The following DOCK1 variants were observed in gnomAD, a reference collection of about 807,000 sequenced individuals.
The protein encoded by DOCK1 is dedicator of cytokinesis protein 1.
A neutral mutation model predicts 262.7 loss-of-function variants in DOCK1; 138 were observed. The ratio of observed to expected loss-of-function variants is 0.53; its 90% confidence interval spans 0.46 to 0.61. DOCK1 has a LOEUF of 0.61. Among genes scored for constraint, DOCK1 ranks in the 20% least tolerant of loss-of-function variants. DOCK1 has a pLI of 0.00. For synonymous variants in DOCK1, 866 were observed against 867.4 expected, an observed-to-expected ratio of 1.00 and a Z score of 0.03; for missense variants, 1,908 against 2,370.7, an observed-to-expected ratio of 0.80 and a Z score of 4.05.
chr10:127,256,951 C>T (rs577513656), intron 28 of DOCK1, among the ~76,000 whole-genome samples: 3 of 152,284 alleles, frequency 2.0e-5, no homozygotes, highest in South Asian at 4.1e-4. Flanking sequence ...GTGTCCTGTT[C>T]ATCATGAAAA....
Position 127,451,478 on chromosome 10 carries a change from C to A in DOCK1, c.*51C>A, listed in dbSNP as rs374314712. ...GTGCTGCCCCTCCCCATCTCCATGC[C>A]CTCTCCTTCTGTGTCCCCTGAGTCT... On this transcript the variant is annotated 3_prime_UTR_variant, in exon 52 of 52. Transcript: ENST00000623213. 1.2e-5 allele frequency: 19 copies of A among 1,549,812 alleles called. No individual in the cohort carries two copies. The highest frequency in any genetic ancestry group is 1.7e-5 in the Non-Finnish European group (19 of 1,147,224).
At chr10:127,027,130 A>G (rs1203435289) in intron 16 of DOCK1, among the ~76,000 whole-genome samples, 2 of 152,234 alleles carry the variant, frequency 1.3e-5, no homozygotes, top group Non-Finnish European at 2.9e-5. Context: ...AGAGTTGGCT[A>G]CAGGCTTGTG....
chr10:126,906,254 G>T (rs1248398262), intron 1 of DOCK1, among the ~76,000 whole-genome samples: 2 of 152,198 alleles, frequency 1.3e-5, no homozygotes, highest in Non-Finnish European at 2.9e-5. Context: ...GAGGGGGGAT[G>T]GAAGGAGTCG....
chr10:127,010,685 A>C (rs2041363102), intron 11 of DOCK1, among the ~76,000 whole-genome samples: 1 of 152,206 alleles, frequency 6.6e-6, no homozygotes, highest in Non-Finnish European at 1.5e-5. Flanking sequence ...GTGCTGCAGA[A>C]TCTGGAAGTT....
chr10:127,170,885 C>A (rs943710960), intron 27 of DOCK1, among the ~76,000 whole-genome samples: 1 of 152,176 alleles, frequency 6.6e-6, no homozygotes, highest in East Asian at 1.9e-4. Context: ...CATGCAAGCC[C>A]GCACTGCATA....
chr10:127,345,833 G>T (rs2063609023), intron 31 of DOCK1, among the ~76,000 whole-genome samples: 2 of 152,198 alleles, frequency 1.3e-5, no homozygotes, highest in Non-Finnish European at 1.5e-5. Flanking sequence ...CTCCCTCAGG[G>T]CCCAGGGGAA....
chr10:127,231,735 G>A (rs970482357), intron 27 of DOCK1, among the ~76,000 whole-genome samples: 55 of 152,106 alleles, frequency 3.6e-4, no homozygotes, highest in African/African-American at 1.3e-3. Context: ...GCTTTTGTTG[G>A]AATAAATGTT....
chr10:127,097,342 AG>A (rs1488771433), intron 23 of DOCK1, among the ~76,000 whole-genome samples: 4 of 152,208 alleles, frequency 2.6e-5, no homozygotes, highest in Non-Finnish European at 5.9e-5. Context: ...AAATCTTAAG[AG>A]GGACACTCAG....
At chr10:127,304,390 G>A (rs757908785) in intron 29 of DOCK1, among the ~76,000 whole-genome samples, 3 of 152,048 alleles carry the variant, frequency 2.0e-5, no homozygotes, top group Non-Finnish European at 2.9e-5. Context: ...ATATATATTT[G>A]TATTTTCACT....
intron 34 of DOCK1, 28 bp from the exon 35 acceptor site, chr10:127,374,030 T>G (rs919478360): frequency 5.1e-6 from 8 of 1,583,594 alleles, no homozygotes; most frequent in Non-Finnish European, 5.1e-6. Context: ...TGAGTGTGAT[T>G]AACAAGGTGT....
At chr10:127,121,841 G>A (rs996708672) in intron 25 of DOCK1, among the ~76,000 whole-genome samples, 1 of 152,084 alleles carries the variant, frequency 6.6e-6, no homozygotes, top group Non-Finnish European at 1.5e-5. Context: ...GGTTGAGAGT[G>A]GCAGACCTGC....
chr10:127,063,092 T>C (rs11018404), intron 23 of DOCK1, among the ~76,000 whole-genome samples: 5,982 of 152,332 alleles, frequency 0.039, 337 homozygotes, highest in East Asian at 0.13. Flanking sequence ...CAGAAGGAGC[T>C]GTACAACTTG....
At chr10:127,370,416 C>T (rs183159040) in intron 33 of DOCK1, among the ~76,000 whole-genome samples, 2 of 152,114 alleles carry the variant, frequency 1.3e-5, no homozygotes, top group African/African-American at 4.8e-5. Flanking sequence ...TGCTGCGCTC[C>T]CACAGAACCC....
chr10:127,157,062 G>A (rs1478665892), intron 27 of DOCK1, among the ~76,000 whole-genome samples: 2 of 152,214 alleles, frequency 1.3e-5, no homozygotes, highest in Non-Finnish European at 2.9e-5. Context: ...TCACAGTGGC[G>A]TGGGAGTGGC....
intron 27 of DOCK1, among the ~76,000 whole-genome samples, chr10:127,235,566 A>ACT (rs2059017339): frequency 6.6e-6 from 1 of 152,158 alleles, no homozygotes; most frequent in African/African-American, 2.4e-5. Flanking sequence ...TATGTGTGGC[A>ACT]ATTATGAAGA....
intron 27 of DOCK1, among the ~76,000 whole-genome samples, chr10:127,144,548 C>T (rs1405390746): frequency 6.6e-6 from 1 of 152,214 alleles, no homozygotes; most frequent in Non-Finnish European, 1.5e-5. Flanking sequence ...CAAATCCCCT[C>T]ACTTCTAATC....
intron 38 of DOCK1, among the ~76,000 whole-genome samples, chr10:127,401,335 A>G (rs2067213427): frequency 6.6e-6 from 1 of 152,200 alleles, no homozygotes; most frequent in African/African-American, 2.4e-5. Flanking sequence ...AATTCGATTG[A>G]GGGGCATAAC....
chr10:127,055,234 C>T (rs960089959), intron 22 of DOCK1, among the ~76,000 whole-genome samples: 13 of 152,132 alleles, frequency 8.5e-5, no homozygotes, highest in Non-Finnish European at 1.8e-4. Context: ...CGTGAGGACT[C>T]AGCGTCCTGA....
chr10:127,351,124 G>T (rs1407208606), intron 31 of DOCK1, among the ~76,000 whole-genome samples: 2 of 152,174 alleles, frequency 1.3e-5, no homozygotes, highest in African/African-American at 2.4e-5. Context: ...CTAAGATTAG[G>T]CCACAGGGAC....
Sources: allele counts gnomAD v4.1 joint callset (sites outside exome capture counted in the v4.1 genomes callset), GRCh38; gene constraint gnomAD v4.1.1; transcripts MANE v1.5; gene names NCBI Gene and HGNC (gene_info 2026-07-23, HGNC 2026-07-21).